PFAS: variants seen among roughly 807,000 people sequenced by gnomAD.
The protein encoded by PFAS is FGAM synthase.
In PFAS, 97 loss-of-function variants were observed where a neutral mutation model predicts 140.6. That is an observed-to-expected ratio of 0.69 (90% CI 0.59 to 0.82). The LOEUF is 0.82. Ranked by LOEUF, PFAS falls within the 40% of genes least tolerant of loss-of-function variation. PFAS has a pLI of 0.00. For missense variants in PFAS, 1,656 were observed against 1,780.2 expected (o/e 0.93, Z 1.26); for synonymous variants, 679 against 718.8 (o/e 0.94, Z 0.88).
At chr17:8,261,845 A>G (rs1597423973) in intron 11 of PFAS, among the ~76,000 whole-genome samples, 1 of 151,990 alleles carries the variant, frequency 6.6e-6, no homozygotes, top group East Asian at 1.9e-4. Flanking sequence ...TCCTGAGCTC[A>G]AGCGATCCGC....
At chr17:8,248,410 A>ATTTTTTTTTTTTTTTTTT (rs35534210), upstream of PFAS, among the ~76,000 whole-genome samples, 94 of 67,640 alleles carry the variant, frequency 1.4e-3, 3 homozygotes, top group Non-Finnish European at 1.6e-3. Context: ...CGCCCGGCTA[A>ATTTTTTTTTTTTTTTTTT]TTTTTTTTTT....
rs201985148 is a variant in PFAS at position 8,265,455 on chromosome 17, C to T, written c.2448C>T (p.Thr816=). The T allele has an allele frequency of 6.2e-6, 10 of 1,613,582 alleles. No individual in the cohort carries two copies. In the African/African-American group the frequency reaches 9.3e-5, roughly 15 times the overall value. The change falls in exon 19 of 28, where the codon ACC becomes ACT. Residue 816 remains threonine (T), a synonymous_variant. Transcript: ENST00000314666. ...LSMAARVGTE[T]VRAPGSLVIS... The stretch of plus-strand genomic sequence containing the variant: ...TGGCTGCTCGGGTTGGCACTGAGAC[C>T]GTGCGGGCTCCTGGTGAGGTGTGGG...
At chr17:8,255,996 G>A (rs1458042747) in intron 6 of PFAS, 86 bp downstream of exon 6, 2 of 1,068,336 alleles carry the variant, frequency 1.9e-6, no homozygotes, top group African/African-American at 1.6e-5. Flanking sequence ...TCCTCCCTTG[G>A]CTTAGGGGCC....
At chr17:8,258,790 T>C (rs1214833406) in intron 11 of PFAS, among the ~76,000 whole-genome samples, 1 of 151,794 alleles carries the variant, frequency 6.6e-6, no homozygotes, top group Non-Finnish European at 1.5e-5. Flanking sequence ...ATCGAGACCA[T>C]CCTGGCTAAC....
At chr17:8,262,522 G>C (rs1989632361) in intron 11 of PFAS, 1 of 197,998 alleles carries the variant, frequency 5.1e-6, no homozygotes, top group African/African-American at 2.4e-5. Flanking sequence ...GGCTAGGCAG[G>C]GTGGCTCACG....
At chr17:8,251,276 C>T (rs1313804048) in intron 1 of PFAS, among the ~76,000 whole-genome samples, 1 of 151,998 alleles carries the variant, frequency 6.6e-6, no homozygotes, top group African/African-American at 2.4e-5. Flanking sequence ...CAGAGTGAGA[C>T]CCCATCTCAA....
chr17:8,258,848 G>A lies in PFAS; in HGVS notation c.1336+649G>A, dbSNP rs575461212. Among the ~76,000 whole-genome samples, 8 of 152,194 alleles carry A rather than the reference G, an allele frequency of 5.3e-5. No homozygotes were observed. The South Asian group carries it at 1.7e-3, about 32-fold the overall frequency. On this transcript the variant is annotated intron_variant, in intron 11 of 27. Transcript: ENST00000314666. ...AAAAAAATAAAAAAATTAGCCAGGT[G>A]TGGTGGCGGGCACCTGTAGTCCCAG...
upstream of PFAS, among the ~76,000 whole-genome samples, chr17:8,248,410 A>T (rs1293053496): frequency 1.5e-5 from 1 of 67,662 alleles, no homozygotes; most frequent in Non-Finnish European, 2.8e-5. Flanking sequence ...CGCCCGGCTA[A>T]TTTTTTTTTT....
In PFAS at chr17:8,266,026, A is replaced by G. The variant is rs766397967; in HGVS notation, c.2701+9A>G. ...TCAGGGGCTGCTGAAAGGTGAGTGA[A>G]GACCCCTGGGGAGATAGCGCACAGG... On this transcript the variant is annotated intron_variant, in intron 21 of 27. Coordinates refer to ENST00000314666, the MANE Select transcript of PFAS (RefSeq NM_012393.3). This position sits in a 1 kb window ranked among gnomAD's most constrained non-coding sequence, Gnocchi z 5.0. 6.2e-7 allele frequency: 1 copy of G among 1,600,132 alleles called. No homozygotes were observed. Among genetic ancestry groups the G allele is most frequent in the Non-Finnish European group, 8.5e-7 (1 of 1,172,492 alleles).
chr17:8,254,702 G>C (rs891009105), intron 3 of PFAS, among the ~76,000 whole-genome samples: 1 of 149,466 alleles, frequency 6.7e-6, no homozygotes, highest in East Asian at 2.0e-4. Flanking sequence ...TACTAGGCAG[G>C]CTGAGGCAGG....
At chr17:8,257,112 TGGTCATAAGTGTAGACCTGG>T in intron 9 of PFAS, 149 bp downstream of exon 9, 1 of 838,740 alleles carries the variant, frequency 1.2e-6, no homozygotes, top group Non-Finnish European at 2.0e-6. Context: ...TCACTAACTA[TGGTCATAAGTGTAGACCTGG>T]GGAGATGAGG....
chr17:8,250,245 A>C (rs920381596), intron 1 of PFAS, among the ~76,000 whole-genome samples: 33 of 152,356 alleles, frequency 2.2e-4, no homozygotes, highest in African/African-American at 7.7e-4. Flanking sequence ...GTAAACCAGG[A>C]TGCTGAGTTG....
chr17:8,255,682 C>T lies in PFAS; in HGVS notation c.565C>T (p.Gln189Ter), dbSNP rs1212041743. The change falls in exon 5 of 28, where the codon CAG becomes TAG. Residue 189 changes from glutamine to a stop codon, truncating the protein, a stop_gained. Transcript: ENST00000314666. LOFTEE classifies it high-confidence loss of function. The part of the protein sequence containing the change: ...EGRLALEKAN[Q>*]ELGLALDSWD... ...CCGGCTTGCGCTGGAGAAGGCCAAC[C>T]AGGAGCTTGGTGAGTAGCTGGGGAG... The T allele has an allele frequency of 6.3e-7, 1 of 1,583,768 alleles. No individual in the cohort carries two copies. The highest frequency in any genetic ancestry group is 8.6e-7 in the Non-Finnish European group (1 of 1,166,890).
chr17:8,260,927 G>A (rs975436277), intron 11 of PFAS, among the ~76,000 whole-genome samples: 3 of 151,628 alleles, frequency 2.0e-5, no homozygotes, highest in African/African-American at 7.3e-5. Context: ...CCCGGCCTAT[G>A]TACAAGTTTT....
chr17:8,263,483 A>G, intron 13 of PFAS, 92 bp from the exon 14 acceptor site: 2 of 1,186,274 alleles, frequency 1.7e-6, no homozygotes, highest in Non-Finnish European at 2.5e-6. Flanking sequence ...ACAGGAACAC[A>G]CCAAATTACA....
At chr17:8,249,262 GC>G (rs1989027763), upstream of PFAS, 1 of 152,168 alleles carries the variant, frequency 6.6e-6, no homozygotes, top group Non-Finnish European at 1.5e-5. Context: ...TCCAGTCTCT[GC>G]CCGCGGCGCA....
intron 1 of PFAS, among the ~76,000 whole-genome samples, chr17:8,252,164 C>T (rs1175943383): frequency 4.0e-5 from 6 of 151,286 alleles, no homozygotes; most frequent in Admixed American, 4.0e-4. Flanking sequence ...CGTGGTGGCG[C>T]ATGCCTGTAA....
In PFAS at chr17:8,253,684, C is replaced by T. The variant is rs145492837; in HGVS notation, c.-79-175C>T. 3.7e-3 allele frequency among the ~76,000 whole-genome samples: 570 copies of T among 152,182 alleles called. 4 individuals are homozygous for T. Among genetic ancestry groups the T allele is most frequent in the East Asian group, 0.034 (175 of 5,178 alleles). ...CCTCCCTAGTAACTGTGATTACAGG[C>T]GCCCGCCACCACACCCAGCTAATTT... is the stretch of plus-strand genomic sequence containing the variant. On this transcript the variant is annotated intron_variant, in intron 1 of 27. Transcript: ENST00000314666.
At chr17:8,268,104 C>A (rs1217635949) in intron 26 of PFAS, among the ~76,000 whole-genome samples, 6 of 144,640 alleles carry the variant, frequency 4.1e-5, no homozygotes, top group African/African-American at 7.5e-5. Flanking sequence ...CCTTGTTGCC[C>A]AGGCTGGAGT....
Sources: gnomAD v4.1 joint callset for allele counts (sites outside exome capture counted in the v4.1 genomes callset) on GRCh38, gnomAD v4.1.1 for gene constraint, Gnocchi (gnomAD v3.1) non-coding constraint, MANE v1.5 for transcripts, NCBI Gene and HGNC (gene_info 2026-07-23, HGNC 2026-07-21) for gene names.